Variants in PTPRN2 observed in about 807,000 individuals in gnomAD.
The protein encoded by PTPRN2 is protein tyrosine phosphatase receptor type N2, also known as receptor-type tyrosine-protein phosphatase N2.
Under a neutral mutation model 118.8 loss-of-function variants are expected in PTPRN2, and 74 were observed. That is an observed-to-expected ratio of 0.62 (90% CI 0.52 to 0.76). The LOEUF (loss-of-function observed/expected upper bound fraction) is 0.76, where lower values mean the gene tolerates loss of function less well. PTPRN2 is among the 30% of genes least tolerant of loss of function. The pLI, the probability that PTPRN2 is intolerant of heterozygous loss-of-function variation, is 0.00. For synonymous variants in PTPRN2, 641 were observed against 608.0 expected (o/e 1.05, Z -0.80); for missense variants, 1,481 against 1,394.4 (o/e 1.06, Z -0.99).
chr7:158,308,980 T>C (rs1282929554), intron 3 of PTPRN2, among the ~76,000 whole-genome samples: 1 of 152,092 alleles, frequency 6.6e-6, no homozygotes, highest in Non-Finnish European at 1.5e-5. Flanking sequence ...ATTCAATGAG[T>C]AATTTAAAAC....
rs570331384 is a variant in PTPRN2 at position 158,557,379 on chromosome 7, G to A, written c.112+30179C>T. On this transcript the variant is annotated intron_variant, in intron 1 of 22. Transcript: ENST00000389418. ...CCCACGCAGGTCAGGCGGCTCCCAC[G>A]CAGTTTAGGCAGCTCCCGCGCAGGT... Among the ~76,000 whole-genome samples the A allele has an allele frequency of 1.5e-4, 22 of 150,844 alleles. No homozygotes were observed. In the East Asian group the frequency reaches 2.8e-3, roughly 19 times the overall value.
At chr7:158,390,329 A>G (rs967347614) in intron 2 of PTPRN2, among the ~76,000 whole-genome samples, 5 of 152,240 alleles carry the variant, frequency 3.3e-5, no homozygotes, top group African/African-American at 1.2e-4. Flanking sequence ...AGTTATTCCC[A>G]TGCAGCGAGT....
intron 1 of PTPRN2, among the ~76,000 whole-genome samples, chr7:158,523,782 T>G (rs1586866186): frequency 3.9e-5 from 1 of 25,678 alleles, no homozygotes; most frequent in East Asian, 3.4e-3. Flanking sequence ...GAGTGGAGTC[T>G]GCCCTGGAGT....
At position 158,331,957 on chromosome 7, in the gene PTPRN2, A is replaced by C. The variant is rs1174155884; in HGVS notation, c.164-15025T>G. 2.6e-5 allele frequency among the ~76,000 whole-genome samples: 4 copies of C among 151,196 alleles called. 1 individual carries two copies. The highest frequency in any genetic ancestry group is 9.9e-5 in the African/African-American group (4 of 40,526). On this transcript the variant is annotated intron_variant, in intron 2 of 22. Coordinates refer to ENST00000389418, the MANE Select transcript of PTPRN2 (RefSeq NM_002847.5). ...CACTCACACTCACACTCCCACGATAAGAGCTGACAACTGAAGACGTCACTC... is the reference window on the plus strand; with the variant it reads ...CACTCACACTCACACTCCCACGATACGAGCTGACAACTGAAGACGTCACTC...
intron 2 of PTPRN2, among the ~76,000 whole-genome samples, chr7:158,440,537 T>C (rs1199540539): frequency 6.7e-6 from 1 of 148,648 alleles, no homozygotes; most frequent in Non-Finnish European, 1.5e-5. Flanking sequence ...GTGGTAATGA[T>C]GGTGGTGGTG....
At chr7:158,209,612 A>G (rs563427046) in intron 3 of PTPRN2, among the ~76,000 whole-genome samples, 8 of 152,354 alleles carry the variant, frequency 5.3e-5, no homozygotes, top group African/African-American at 1.7e-4. Context: ...AGACTTCCAC[A>G]TGCCACTTTC....
chr7:158,164,986 T>G (rs797003018), intron 6 of PTPRN2, among the ~76,000 whole-genome samples: 2 of 78,626 alleles, frequency 2.5e-5, no homozygotes, highest in African/African-American at 7.7e-5. Context: ...GACCCCCTGA[T>G]AGCGTCCAGG....
chr7:158,103,041 G>A (rs1231544968), intron 10 of PTPRN2, among the ~76,000 whole-genome samples: 1 of 152,204 alleles, frequency 6.6e-6, no homozygotes, highest in Non-Finnish European at 1.5e-5. Context: ...GCAGGACCCA[G>A]TAAGGCCTGG....
intron 2 of PTPRN2, among the ~76,000 whole-genome samples, chr7:158,436,083 C>T (rs1189398435): frequency 6.6e-6 from 1 of 152,040 alleles, no homozygotes; most frequent in Non-Finnish European, 1.5e-5. Context: ...GTTCTTTCCA[C>T]AAAAAAGGAC....
chr7:158,205,399 C>T (rs1418892949), intron 3 of PTPRN2, 126 bp from the exon 4 acceptor site: 5 of 663,952 alleles, frequency 7.5e-6, no homozygotes, highest in South Asian at 1.8e-5. Context: ...GTAAGCCTCC[C>T]TCTCACTGCA....
chr7:158,555,184 C>G lies in PTPRN2; in HGVS notation c.112+32374G>C, dbSNP rs1030038076. On this transcript the variant is annotated intron_variant, in intron 1 of 22. Coordinates refer to ENST00000389418, the MANE Select transcript of PTPRN2 (RefSeq NM_002847.5). This position sits in a 1 kb window ranked among gnomAD's most constrained non-coding sequence, Gnocchi z 4.7. ...CAGACTGATCTACTGCAAATCACCCCCGACGCAACCACCAACTCCGCCAGA... is the reference window on the plus strand; with the variant it reads ...CAGACTGATCTACTGCAAATCACCCGCGACGCAACCACCAACTCCGCCAGA... 3.3e-5 allele frequency among the ~76,000 whole-genome samples: 5 copies of G among 152,184 alleles called. No homozygotes were observed. The highest frequency in any genetic ancestry group is 7.3e-5 in the Non-Finnish European group (5 of 68,036).
At chr7:158,086,601 G>A (rs575536602) in intron 10 of PTPRN2, among the ~76,000 whole-genome samples, 3 of 152,232 alleles carry the variant, frequency 2.0e-5, no homozygotes, top group Non-Finnish European at 2.9e-5. Flanking sequence ...AACCACCAAC[G>A]AAAAGCACAA....
At chr7:157,574,028 T>C (rs1799891351) in intron 19 of PTPRN2, among the ~76,000 whole-genome samples, 1 of 152,202 alleles carries the variant, frequency 6.6e-6, no homozygotes, top group Non-Finnish European at 1.5e-5. Context: ...CCACGACATA[T>C]TGAACACAAG....
rs149137197 is a variant in PTPRN2, at chr7:157,929,031, T to A, written c.1724-30294A>T. Among the ~76,000 whole-genome samples, 1 of 152,092 alleles carries A rather than the reference T, an allele frequency of 6.6e-6. No individual in the cohort carries two copies. The highest frequency in any genetic ancestry group is 2.4e-5 in the African/African-American group (1 of 41,406). On this transcript the variant is annotated intron_variant, in intron 11 of 22. Transcript: ENST00000389418. This position sits in a 1 kb window ranked among gnomAD's most constrained non-coding sequence, Gnocchi z 4.4. ...GACATGGAGATGGTTTAACCTCACA[T>A]GCCCACTTTAGAGGCAGGAGAGTGG...
intron 1 of PTPRN2, among the ~76,000 whole-genome samples, chr7:158,551,530 G>A (rs1826653201): frequency 6.9e-6 from 1 of 144,382 alleles, no homozygotes; most frequent in Admixed American, 6.9e-5. Context: ...TCTGGAGTGG[G>A]GCTCTAACAC....
chr7:158,416,702 G>A (rs2123498), intron 2 of PTPRN2, among the ~76,000 whole-genome samples: 144,634 of 152,340 alleles, frequency 0.95, 68,732 homozygotes, highest in East Asian at 0.97. Flanking sequence ...CAGACAGCCT[G>A]CTGGGAAACA....
At chr7:158,020,695 A>T (rs1806809769) in intron 11 of PTPRN2, among the ~76,000 whole-genome samples, 1 of 152,204 alleles carries the variant, frequency 6.6e-6, no homozygotes, top group Non-Finnish European at 1.5e-5. Flanking sequence ...ACCAGCCAAC[A>T]CCCAATGATT....
chr7:158,393,368 T>C (rs890620541), intron 2 of PTPRN2, among the ~76,000 whole-genome samples: 5 of 152,176 alleles, frequency 3.3e-5, no homozygotes, highest in Non-Finnish European at 5.9e-5. Flanking sequence ...TCCTTAAACA[T>C]CATCACCAGG....
chr7:157,704,605 G>C (rs945915605), intron 12 of PTPRN2, among the ~76,000 whole-genome samples: 4 of 152,056 alleles, frequency 2.6e-5, no homozygotes, highest in African/African-American at 9.7e-5. Context: ...CCCCACATTC[G>C]CTTCTGGGCA....
Sources: allele counts gnomAD v4.1 joint callset (sites outside exome capture counted in the v4.1 genomes callset), GRCh38; gene constraint gnomAD v4.1.1; non-coding constraint Gnocchi (gnomAD v3.1); transcripts MANE v1.5; gene names NCBI Gene and HGNC (gene_info 2026-07-23, HGNC 2026-07-21).